Variants in CPA5 observed in about 807,000 individuals in gnomAD.
The protein encoded by CPA5 is testicular tissue protein Li 32.
A neutral mutation model predicts 52.2 loss-of-function variants in CPA5; 38 were observed. The ratio of observed to expected loss-of-function variants is 0.73; its 90% confidence interval spans 0.56 to 0.95. The LOEUF is 0.95. CPA5 is among the 40% of genes least tolerant of loss of function. CPA5 has a pLI of 0.00. For missense variants in CPA5, 519 were observed against 566.7 expected, an observed-to-expected ratio of 0.92 and a Z score of 0.86; for synonymous variants, 198 against 213.7, an observed-to-expected ratio of 0.93 and a Z score of 0.64.
At chr7:130,367,334 G>A (rs1263614361) in intron 10 of CPA5, 38 bp from the exon 11 acceptor site, 1 of 1,589,820 alleles carries the variant, frequency 6.3e-7, no homozygotes, top group Non-Finnish European at 8.6e-7. Flanking sequence ...GTCGCACGTG[G>A]GGATTTGACT....
At chr7:130,356,690 T>G (rs1460209292) in intron 5 of CPA5, among the ~76,000 whole-genome samples, 2 of 152,232 alleles carry the variant, frequency 1.3e-5, no homozygotes, top group Admixed American at 6.5e-5. Context: ...AGCTCTTGTG[T>G]GGAACAAAGG....
At chr7:130,350,191 C>A in intron 5 of CPA5, 82 bp downstream of exon 5, 1 of 1,451,672 alleles carries the variant, frequency 6.9e-7, no homozygotes, top group Non-Finnish European at 9.3e-7. Flanking sequence ...GTTCTCGGGG[C>A]TAAAAGTGGA....
chr7:130,347,915 TCCTGCCCCCCTTTATCCCAAA>T, intron 4 of CPA5, 68 bp downstream of exon 4: 6 of 1,284,760 alleles, frequency 4.7e-6, no homozygotes, highest in Non-Finnish European at 6.7e-6. Flanking sequence ...TAGCTCCTTG[TCCTGCCCCCCTTTATCCCAAA>T]CCTGCCCTCC....
At chr7:130,345,403 C>A (rs928721858) in intron 1 of CPA5, 198 bp downstream of exon 1, 2 of 152,230 alleles carry the variant, frequency 1.3e-5, no homozygotes, top group East Asian at 3.8e-4. Flanking sequence ...ACCCCCACCC[C>A]CTGTGGATTT....
At position 130,363,136 on chromosome 7, in the gene CPA5, A is replaced by G. The variant is rs546086501; in HGVS notation, c.747+142A>G. On this transcript the variant is annotated intron_variant, in intron 9 of 12. Transcript: ENST00000474905. ...GGCAGGAGGGCTGCTCAGGTACTGC[A>G]CCTGCAGCCTCTTGCCCTCTGACCT... is the stretch of plus-strand genomic sequence containing the variant. 4.5e-5 allele frequency: 28 copies of G among 621,040 alleles called. No individual in the cohort carries two copies. The East Asian group carries it at 7.4e-4, about 16-fold the overall frequency. 38.5% of individuals were successfully genotyped at this position (621,040 alleles called of 1,614,324 possible).
At chr7:130,373,574 A>C (rs940533555), downstream of CPA5, among the ~76,000 whole-genome samples, 3 of 151,644 alleles carry the variant, frequency 2.0e-5, no homozygotes, top group African/African-American at 7.3e-5. Context: ...GCAGGGATCC[A>C]GGGAGTGCAG....
rs782164665 is a variant in CPA5 at position 130,346,541 on chromosome 7, G to A, written c.56G>A (p.Arg19Gln). 21 of 1,613,912 alleles carry A rather than the reference G, an allele frequency of 1.3e-5. No individual in the cohort carries two copies. The highest frequency in any genetic ancestry group is 2.2e-5 in the East Asian group (1 of 44,896). The change falls in exon 3 of 13, where the codon CGG becomes CAG. Residue 19 changes from arginine (R) to glutamine (Q), a missense_variant. Physicochemically the swap from Arg to Gln is conservative, Grantham distance 43 (BLOSUM62 1). Transcript: ENST00000474905. Reference protein sequence around the residue: ...TRPGPSPVDRRTLLVFSFILA... With the variant: ...TRPGPSPVDRQTLLVFSFILA... ...CCTGGGCCATCCCCCGTGGACAGGC[G>A]GACACTCCTGGTCTTCAGCTTTATC...
chr7:130,349,941 T>A, intron 4 of CPA5, 34 bp from the exon 5 acceptor site: 1 of 1,599,634 alleles, frequency 6.3e-7, no homozygotes, highest in East Asian at 2.2e-5. Context: ...GGACATGGAG[T>A]AATGCAGCTC....
chr7:130,355,864 T>C (rs1299990091), intron 5 of CPA5, among the ~76,000 whole-genome samples: 1 of 152,236 alleles, frequency 6.6e-6, no homozygotes, highest in African/African-American at 2.4e-5. Context: ...GACTCCACTC[T>C]CAAGGCATCT....
chr7:130,359,629 G>A lies in CPA5; in HGVS notation c.374G>A (p.Arg125His), dbSNP rs782689050. Residue 125 changes from arginine to histidine, a missense_variant, in exon 6 of 13, where the codon CGC (arginine) becomes CAC (histidine). Transcript: ENST00000474905. ...DEERQAMAKS[R>H]RLERSTNSFS... ...GAAAGACAGGCCATGGCGAAATCCCGCCGGCTGGAGCGCAGCACCAACAGC... is the reference window on the plus strand; with the variant it reads ...GAAAGACAGGCCATGGCGAAATCCCACCGGCTGGAGCGCAGCACCAACAGC... 1.1e-5 allele frequency: 17 copies of A among 1,580,632 alleles called. No homozygotes were observed. The East Asian group carries it at 1.6e-4, about 15-fold the overall frequency.
At chr7:130,348,427 T>C (rs1794911366) in intron 4 of CPA5, among the ~76,000 whole-genome samples, 1 of 152,218 alleles carries the variant, frequency 6.6e-6, no homozygotes, top group African/African-American at 2.4e-5. Flanking sequence ...TGCTCCTACT[T>C]GTCTGAGTGT....
chr7:130,348,129 A>T (rs1794888244), intron 4 of CPA5, among the ~76,000 whole-genome samples: 1 of 152,140 alleles, frequency 6.6e-6, no homozygotes, highest in Admixed American at 6.5e-5. Flanking sequence ...TCCAAACAGC[A>T]GGAATTTCCT....
downstream of CPA5, among the ~76,000 whole-genome samples, chr7:130,369,025 C>T (rs1554409536): frequency 6.6e-6 from 1 of 152,198 alleles, no homozygotes; most frequent in Non-Finnish European, 1.5e-5. Context: ...TTTCTGCCAC[C>T]TTGAGGGAAA....
At chr7:130,346,302 G>C in intron 2 of CPA5, 91 bp from the exon 3 acceptor site, 1 of 489,430 alleles carries the variant, frequency 2.0e-6, no homozygotes, top group Non-Finnish European at 3.6e-6. Context: ...AGGATGTGCT[G>C]GGTTGGGGAG....
intron 8 of CPA5, 68 bp downstream of exon 8, chr7:130,362,607 T>C (rs1795854380): frequency 8.8e-7 from 1 of 1,135,956 alleles, no homozygotes; most frequent in African/African-American, 1.5e-5. Flanking sequence ...GAACTTACTA[T>C]TTAAGGGCAC....
chr7:130,362,838 A>G (rs782500933), intron 8 of CPA5, 46 bp from the exon 9 acceptor site: 1 of 1,276,096 alleles, frequency 7.8e-7, no homozygotes, highest in Admixed American at 1.7e-5. Flanking sequence ...GCCACCTCCC[A>G]GGAGACCCAG....
At chr7:130,373,698 G>A (rs145607856), downstream of CPA5, among the ~76,000 whole-genome samples, 13 of 152,342 alleles carry the variant, frequency 8.5e-5, no homozygotes, top group East Asian at 2.1e-3. Context: ...ATGTAAAAAT[G>A]CCCCTTTAGG....
downstream of CPA5, among the ~76,000 whole-genome samples, chr7:130,372,734 C>A (rs1445114768): frequency 1.3e-5 from 2 of 152,088 alleles, no homozygotes; most frequent in African/African-American, 4.8e-5. Flanking sequence ...CGTATTGCTG[C>A]CCCAATGAAA....
At chr7:130,363,358 G>A in intron 9 of CPA5, 61 bp from the exon 10 acceptor site, 1 of 1,415,232 alleles carries the variant, frequency 7.1e-7, no homozygotes. Context: ...CAGGATATCA[G>A]AGGCTCCCAT....
Sources: gnomAD v4.1 joint callset for allele counts (sites outside exome capture counted in the v4.1 genomes callset) on GRCh38, gnomAD v4.1.1 for gene constraint, MANE v1.5 for transcripts, NCBI Gene and HGNC (gene_info 2026-07-23, HGNC 2026-07-21) for gene names.